Variants in RADX observed in about 807,000 individuals in gnomAD.
RADX encodes RPA1 related single stranded DNA binding protein, X-linked.
In RADX, 36 loss-of-function variants were observed where a neutral mutation model predicts 61.6. The ratio of observed to expected loss-of-function variants is 0.58; its 90% CI spans 0.45 to 0.77. RADX has a LOEUF of 0.77. RADX is among the 30% of genes least tolerant of loss of function. RADX has a pLI of 0.00. For missense variants in RADX, 497 were observed against 651.1 expected (o/e 0.76, Z 2.58); for synonymous variants, 272 against 237.9 (o/e 1.14, Z -1.32).
At chrX:106,623,845 ATT>A (rs769452547) in intron 2 of RADX, among the ~76,000 whole-genome samples, 63 of 111,647 alleles carry the variant, frequency 5.6e-4, no homozygotes, top group African/African-American at 1.7e-3. Context: ...ACAGTTATAT[ATT>A]TTTAGCACAT....
At chrX:106,660,337 G>T (rs1928059447) in intron 11 of RADX, among the ~76,000 whole-genome samples, 1 of 111,553 alleles carries the variant, frequency 9.0e-6, no homozygotes, top group Non-Finnish European at 1.9e-5. Flanking sequence ...TAAATTCCTG[G>T]TAAGAAGTAT....
Position 106,662,396 on chromosome X carries a change from A to G in RADX, c.2269+91A>G, listed in dbSNP as rs769610739. 4.6e-4 allele frequency: 392 copies of G among 854,677 alleles called. 4 individuals carry two copies. The Middle Eastern group carries it at 7.2e-3, about 16-fold the overall frequency. The allele number at this position is 854,677 out of a possible 1,213,427, so 70.4% of individuals were successfully genotyped here. ...TTTAAAAATTTAAGCCCCTCCCACA[A>G]AAACATTAAGCCCAAGGGAAGTTTT... On this transcript the variant is annotated intron_variant, in intron 12 of 13. Coordinates refer to ENST00000372548, the MANE Select transcript of RADX (RefSeq NM_018015.6).
chrX:106,628,055 C>T (rs1927116096), intron 3 of RADX, among the ~76,000 whole-genome samples: 1 of 110,931 alleles, frequency 9.0e-6, no homozygotes, highest in Admixed American at 9.6e-5. Flanking sequence ...AGGCTGTACT[C>T]GAACTCCTGA....
intron 3 of RADX, among the ~76,000 whole-genome samples, chrX:106,627,825 GT>G (rs1459474434): frequency 1.5e-3 from 163 of 111,401 alleles, no homozygotes; most frequent in African/African-American, 4.8e-3. Context: ...CTTTTTTATT[GT>G]TTTTATTTAT....
intron 11 of RADX, among the ~76,000 whole-genome samples, chrX:106,659,416 T>A (rs766450740): frequency 4.6e-4 from 52 of 112,204 alleles, no homozygotes; most frequent in Non-Finnish European, 9.2e-4. Flanking sequence ...CATTAAAACA[T>A]TGAACCAATC....
intron 6 of RADX, among the ~76,000 whole-genome samples, chrX:106,633,520 AT>A (rs1927288755): frequency 8.9e-6 from 1 of 111,862 alleles, no homozygotes; most frequent in Non-Finnish European, 1.9e-5. Context: ...AATTCCACGC[AT>A]TAAAAAAATC....
intron 11 of RADX, 73 bp from the exon 12 acceptor site, chrX:106,661,939 GTTT>G (rs746693780): frequency 1.1e-6 from 1 of 874,188 alleles, no homozygotes; most frequent in Non-Finnish European, 1.6e-6. Context: ...TTAATGTGTG[GTTT>G]TTTTTTGCAG....
chrX:106,660,377 C>A (rs1226831569), intron 11 of RADX, among the ~76,000 whole-genome samples: 1 of 112,050 alleles, frequency 8.9e-6, no homozygotes, highest in Non-Finnish European at 1.9e-5. Context: ...TCCCTTACAA[C>A]TCAAACTAAT....
chrX:106,647,044 T>C (rs1326010642), intron 10 of RADX, among the ~76,000 whole-genome samples: 4 of 110,538 alleles, frequency 3.6e-5, no homozygotes, highest in Admixed American at 9.6e-5. Flanking sequence ...TTATGGACTA[T>C]AGTCACCCTG....
intron 11 of RADX, among the ~76,000 whole-genome samples, chrX:106,650,724 G>A (rs1241236813): frequency 1.8e-5 from 2 of 111,156 alleles, no homozygotes; most frequent in South Asian, 3.8e-4. Context: ...AAATAAACAC[G>A]TTTAAAAAGT....
chrX:106,663,583 T>C (rs9887534), intron 12 of RADX, among the ~76,000 whole-genome samples: 12,236 of 111,496 alleles, frequency 0.11, 1,640 homozygotes, highest in African/African-American at 0.38. Context: ...CTATGGTCAA[T>C]AATAATTTAA....
intron 11 of RADX, among the ~76,000 whole-genome samples, chrX:106,660,612 A>G (rs1218242470): frequency 8.9e-6 from 1 of 112,153 alleles, no homozygotes; most frequent in Non-Finnish European, 1.9e-5. Context: ...TAAACTCTTA[A>G]GCTGTCAGCC....
At chrX:106,649,838 G>A (rs1022089346) in intron 11 of RADX, among the ~76,000 whole-genome samples, 34 of 111,208 alleles carry the variant, frequency 3.1e-4, no homozygotes, top group Admixed American at 7.7e-4. Flanking sequence ...AAATCTGGCC[G>A]ATTGAAAACC....
chrX:106,623,904 CATT>C (rs1927014509), intron 2 of RADX, among the ~76,000 whole-genome samples: 2 of 111,208 alleles, frequency 1.8e-5, no homozygotes, highest in Middle Eastern at 4.7e-3. Context: ...TTTGCCTTCT[CATT>C]GTTGCAATAC....
chrX:106,634,370 G>C (rs747992017), intron 6 of RADX, among the ~76,000 whole-genome samples: 1 of 111,106 alleles, frequency 9.0e-6, no homozygotes, highest in Non-Finnish European at 1.9e-5. Flanking sequence ...TCAACCTCAG[G>C]TGATCTGCCC....
intron 13 of RADX, among the ~76,000 whole-genome samples, chrX:106,674,927 GGGA>G (rs776167776): frequency 9.1e-6 from 1 of 109,668 alleles, no homozygotes; most frequent in Admixed American, 9.7e-5. Flanking sequence ...AGGAGGCTGA[GGGA>G]GGAGAATTGC....
chrX:106,639,399 AAC>A, intron 8 of RADX, 126 bp from the exon 9 acceptor site: 2 of 515,106 alleles, frequency 3.9e-6, no homozygotes, highest in Non-Finnish European at 3.0e-6. Flanking sequence ...GCCAGATATA[AAC>A]ACAGTGTCTC....
intron 1 of RADX, among the ~76,000 whole-genome samples, chrX:106,614,043 A>G (rs1454214860): frequency 8.9e-6 from 1 of 112,221 alleles, no homozygotes; most frequent in Non-Finnish European, 1.9e-5. Context: ...ATTTGAAAGT[A>G]TATTGTGTTA....
intron 13 of RADX, among the ~76,000 whole-genome samples, chrX:106,670,296 C>A (rs1928334173): frequency 9.0e-6 from 1 of 110,959 alleles, no homozygotes; most frequent in South Asian, 3.8e-4. Context: ...TAATTAGTGC[C>A]CTAACATGCA....
Sources: allele counts gnomAD v4.1 joint callset (sites outside exome capture counted in the v4.1 genomes callset), GRCh38; gene constraint gnomAD v4.1.1; transcripts MANE v1.5; gene names NCBI Gene and HGNC (gene_info 2026-07-23, HGNC 2026-07-21).